Variants in RYR2 observed in about 807,000 individuals in gnomAD.
RYR2 encodes the protein cardiac muscle ryanodine receptor-calcium release channel.
RYR2 carries 227 observed loss-of-function variants against 601.1 expected under a neutral mutation model. The ratio of observed to expected loss-of-function variants is 0.38; its 90% CI spans 0.34 to 0.42. RYR2 has a LOEUF of 0.42. Ranked by LOEUF, RYR2 falls within the 10% of genes least tolerant of loss-of-function variation. The pLI is 1.00. For missense variants in RYR2, 4,646 were observed against 6,156.5 expected (o/e 0.75, Z 8.21); for synonymous variants, 2,223 against 2,175.1 (o/e 1.02, Z -0.61).
chr1:237,674,417 A>G (rs1380486060), intron 59 of RYR2, among the ~76,000 whole-genome samples, 198 bp downstream of exon 59: 1 of 152,134 alleles, frequency 6.6e-6, no homozygotes, highest in African/African-American at 2.4e-5. Context: ...CTTTTGCTAC[A>G]TATATTAAAT....
rs538249788 is a variant in RYR2 at position 237,521,144 on chromosome 1, A to G, written c.2823-9283A>G. The stretch of plus-strand genomic sequence containing the variant: ...CCTAACATACATAGAACTAATATCA[A>G]TCCTCCTGAAACTGTTTCAAAAAGT... On this transcript the variant is annotated intron_variant, in intron 24 of 104. Transcript: ENST00000366574. Among the ~76,000 whole-genome samples the G allele has an allele frequency of 5.9e-5, 8 of 136,616 alleles. No individual in the cohort carries two copies. In the South Asian group the frequency reaches 1.6e-3, roughly 27 times the overall value. 89.6% of individuals were successfully genotyped at this position (136,616 alleles called of 152,430 possible).
intron 16 of RYR2, among the ~76,000 whole-genome samples, chr1:237,460,691 C>T (rs1659375745): frequency 6.6e-6 from 1 of 152,152 alleles, no homozygotes; most frequent in Non-Finnish European, 1.5e-5. Flanking sequence ...CAGTGGAACT[C>T]TTACTCCTCT....
intron 78 of RYR2, among the ~76,000 whole-genome samples, chr1:237,733,004 CTTTCTCTCACTA>C (rs1395831361): frequency 1.3e-5 from 2 of 152,076 alleles, no homozygotes; most frequent in Non-Finnish European, 2.9e-5. Context: ...GTGATCTATC[CTTTCTCTCACTA>C]TTTCTCTCTC....
At chr1:237,453,412 G>C (rs901051076) in intron 14 of RYR2, among the ~76,000 whole-genome samples, 4 of 152,196 alleles carry the variant, frequency 2.6e-5, no homozygotes, top group Admixed American at 6.5e-5. Flanking sequence ...AAACTATAAA[G>C]TTCAAAGCTA....
At chr1:237,654,119 G>A (rs1289782805) in intron 51 of RYR2, among the ~76,000 whole-genome samples, 155 bp from the exon 52 acceptor site, 1 of 152,066 alleles carries the variant, frequency 6.6e-6, no homozygotes, top group African/African-American at 2.4e-5. Flanking sequence ...AGTATACACG[G>A]TGATAGTATT....
chr1:237,441,918 G>A (rs1427945375), intron 13 of RYR2, among the ~76,000 whole-genome samples: 10 of 152,260 alleles, frequency 6.6e-5, no homozygotes, highest in African/African-American at 1.7e-4. Flanking sequence ...AAGAGTTAAA[G>A]GTGTGTAATT....
At chr1:237,760,810 T>TAAGAAATGAATGGAG in intron 83 of RYR2, 145 bp from the exon 84 acceptor site, 1 of 312,682 alleles carries the variant, frequency 3.2e-6, no homozygotes, top group Non-Finnish European at 6.3e-6. Context: ...ATACGGTTGG[T>TAAGAAATGAATGGAG]ACGCAATGAA....
intron 27 of RYR2, among the ~76,000 whole-genome samples, chr1:237,564,432 G>A (rs1215584850): frequency 6.6e-6 from 1 of 152,028 alleles, no homozygotes; most frequent in Non-Finnish European, 1.5e-5. Flanking sequence ...ACCAGGCCCT[G>A]ATGATTTTTG....
chr1:237,769,277 T>A lies in RYR2; in HGVS notation c.11477-1530T>A, dbSNP rs17654495. On this transcript the variant is annotated intron_variant, in intron 84 of 104. Coordinates refer to ENST00000366574, the MANE Select transcript of RYR2 (RefSeq NM_001035.3). ...GGTGACTCATGAAAATGGAACTAAG[T>A]ATCACCAATGAAGAGTTTAGTGCCT... Among the ~76,000 whole-genome samples, 196 of 152,326 alleles carry A rather than the reference T, an allele frequency of 1.3e-3. 2 individuals are homozygous for A. Among genetic ancestry groups the A allele is most frequent in the South Asian group, 0.012 (60 of 4,828 alleles).
At chr1:237,094,779 G>A (rs1031925921) in intron 1 of RYR2, among the ~76,000 whole-genome samples, 2 of 152,166 alleles carry the variant, frequency 1.3e-5, no homozygotes, top group African/African-American at 4.8e-5. Flanking sequence ...TTTCGGTAGA[G>A]ACGGGGTTTC....
intron 3 of RYR2, among the ~76,000 whole-genome samples, chr1:237,350,602 A>AATATATATATATATATATATATATAT (rs1177777241): frequency 2.7e-5 from 1 of 37,008 alleles, no homozygotes; most frequent in Non-Finnish European, 5.0e-5. Flanking sequence ...AAAAAAAAAA[A>AATATATATATATATATATATATATAT]ATATATATAT....
chr1:237,116,592 A>G (rs1016495663), intron 1 of RYR2, among the ~76,000 whole-genome samples: 3 of 152,262 alleles, frequency 2.0e-5, no homozygotes, highest in African/African-American at 7.2e-5. Flanking sequence ...TACTATATTT[A>G]TTTATTATGA....
At chr1:237,768,750 G>A (rs1241272502) in intron 84 of RYR2, among the ~76,000 whole-genome samples, 6 of 152,108 alleles carry the variant, frequency 3.9e-5, no homozygotes, top group South Asian at 2.1e-4. Flanking sequence ...TTTGCAGCAT[G>A]GGCAATGGCA....
Position 237,640,911 on chromosome 1 carries a change from A to G in RYR2, c.7130A>G (p.Glu2377Gly). The G allele has an allele frequency of 6.2e-7, 1 of 1,613,112 alleles. No homozygotes were observed. Among genetic ancestry groups the G allele is most frequent in the Non-Finnish European group, 8.5e-7 (1 of 1,179,510 alleles). The change falls in exon 47 of 105, where the codon GAG (glutamate) becomes GGG (glycine). Residue 2377 changes from glutamate to glycine, a missense_variant. Around this residue, in one of 17 missense-constraint regions of RYR2, gnomAD observed 1,497 missense variants for 1,842.6 expected, o/e 0.81. Coordinates refer to ENST00000366574, the MANE Select transcript of RYR2 (RefSeq NM_001035.3). ...GSSKTLDTEEEEDDTIHMGNA... is the reference protein window; with the variant it reads ...GSSKTLDTEEGEDDTIHMGNA... The stretch of plus-strand genomic sequence containing the variant: ...ATTCATGAAAGTGACACAGAGGAGG[A>G]GGAAGATGACACTATCCACATGGGG...
intron 56 of RYR2, among the ~76,000 whole-genome samples, chr1:237,666,104 T>A (rs568578753): frequency 6.6e-6 from 1 of 152,242 alleles, no homozygotes; most frequent in Non-Finnish European, 1.5e-5. Context: ...TTATACTTTA[T>A]CCTAACATTT....
intron 1 of RYR2, among the ~76,000 whole-genome samples, chr1:237,098,765 G>A (rs932819026): frequency 2.0e-5 from 3 of 152,266 alleles, no homozygotes; most frequent in Admixed American, 6.5e-5. Flanking sequence ...TTCCAGGAAC[G>A]TGGTGGAAAG....
At chr1:237,783,523 ATAGTT>A (rs1695297744) in intron 89 of RYR2, among the ~76,000 whole-genome samples, 147 bp from the exon 90 acceptor site, 1 of 152,224 alleles carries the variant, frequency 6.6e-6, no homozygotes, top group African/African-American at 2.4e-5. Context: ...TTTTTAAACT[ATAGTT>A]TATAAATAAT....
chr1:237,714,256 A>G (rs560189716), intron 71 of RYR2, among the ~76,000 whole-genome samples: 1 of 152,356 alleles, frequency 6.6e-6, no homozygotes, highest in Non-Finnish European at 1.5e-5. Context: ...CATGCAACAA[A>G]TTTTAATAGA....
At chr1:237,542,062 ATTTATTTATT>A (rs376496093) in intron 25 of RYR2, among the ~76,000 whole-genome samples, 29,920 of 122,036 alleles carry the variant, frequency 0.25, 3,261 homozygotes, top group Admixed American at 0.32. Flanking sequence ...TTTTGTCTTT[ATTTATTTATT>A]TATTTATTTA....
Sources: gnomAD v4.1 joint callset for allele counts (sites outside exome capture counted in the v4.1 genomes callset) on GRCh38, gnomAD v4.1.1 for gene constraint, gnomAD v4.1.1 regional missense constraint, MANE v1.5 for transcripts, NCBI Gene and HGNC (gene_info 2026-07-23, HGNC 2026-07-21) for gene names.